Variants in SERPINA4 observed in about 807,000 individuals in gnomAD.
The protein encoded by SERPINA4 is kallistatin.
SERPINA4 carries 24 observed loss-of-function variants against 25.4 expected under a neutral mutation model. That is an observed-to-expected ratio of 0.95 (90% CI 0.69 to 1.33). SERPINA4 has a LOEUF of 1.33. SERPINA4 is among the 40% of genes most tolerant of loss of function. The probability of loss-of-function intolerance (pLI) is 0.00; values close to 1 mark genes in which losing one functional copy is unlikely to be tolerated. For missense variants in SERPINA4, 553 were observed against 535.8 expected, an observed-to-expected ratio of 1.03 and a Z score of -0.32; for synonymous variants, 242 against 223.6, an observed-to-expected ratio of 1.08 and a Z score of -0.73.
In SERPINA4 at chr14:94,561,948, G is replaced by C. The variant is rs139864085; in HGVS notation, c.-18+454G>C. The C allele has an allele frequency of 8.5e-4, 1,018 of 1,195,906 alleles. 6 individuals are homozygous for C. In the African/African-American group the frequency reaches 0.015, roughly 18 times the overall value. 74.1% of individuals were successfully genotyped at this position (1,195,906 alleles called of 1,614,324 possible). A position where few individuals can be genotyped will look rare whatever the true frequency, so the allele number is the denominator to read the frequency against. ...CTAGGAAGCTTTCTGCAAGGGTCTA[G>C]GTCAGGGGTCAACAAACCACAGCTT... On this transcript the variant is annotated intron_variant, in intron 1 of 4. Transcript: ENST00000557004.
At chr14:94,568,354 G>A in intron 4 of SERPINA4, 66 bp downstream of exon 4, 1 of 1,554,432 alleles carries the variant, frequency 6.4e-7, no homozygotes, top group East Asian at 2.3e-5. Flanking sequence ...GAGCTGCCAG[G>A]CGATGGGGCT....
At chr14:94,566,488 T>TCTCACCTCCAAATCTA (rs1164640574) in intron 2 of SERPINA4, among the ~76,000 whole-genome samples, 3 of 152,188 alleles carry the variant, frequency 2.0e-5, no homozygotes, top group Non-Finnish European at 4.4e-5. Flanking sequence ...TCTCTCATCT[T>TCTCACCTCCAAATCTA]CTCACCTCCA....
At chr14:94,566,899 G>T in intron 2 of SERPINA4, 71 bp from the exon 3 acceptor site, 2 of 1,518,446 alleles carry the variant, frequency 1.3e-6, no homozygotes, top group Non-Finnish European at 1.8e-6. Flanking sequence ...ACACCAGATG[G>T]CATTCCCTGG....
At position 94,569,444 on chromosome 14, in the gene SERPINA4, C is replaced by T. The variant is rs1368542030; in HGVS notation, c.1133C>T (p.Ala378Val). 4 of 1,614,178 alleles carry T rather than the reference C, an allele frequency of 2.5e-6. No homozygotes were observed. Among genetic ancestry groups the T allele is most frequent in the South Asian group, 1.1e-5 (1 of 91,074 alleles). Reference sequence around the variant, plus strand: ...GTGGATGAGGCTGGCACCGAGGCTGCAGCAGCCACCAGCTTCGCGATCAAA... The same window carrying T: ...GTGGATGAGGCTGGCACCGAGGCTGTAGCAGCCACCAGCTTCGCGATCAAA... Reference protein sequence around the residue: ...LDVDEAGTEAAAATSFAIKFF... With the variant: ...LDVDEAGTEAVAATSFAIKFF... The change falls in exon 5 of 5, where the codon GCA (alanine) becomes GTA (valine). Residue 378 changes from alanine to valine, a missense_variant. Ala to Val is a moderately conservative substitution (Grantham distance 64). Coordinates refer to ENST00000557004, the MANE Select transcript of SERPINA4 (RefSeq NM_006215.4).
chr14:94,563,649 C>T lies in SERPINA4; in HGVS notation c.167C>T (p.Ala56Val). Residue 56 changes from alanine (A) to valine (V), a missense_variant, in exon 2 of 5, where the codon GCT (alanine) becomes GTT (valine). Physicochemically the swap from Ala to Val is moderately conservative, Grantham distance 64. Transcript: ENST00000557004. ...AGCCTCAAGATAGCCCCTGCCAATG[C>T]TGACTTTGCCTTCCGCTTCTACTAC... ...SPSLKIAPAN[A>V]DFAFRFYYLI... 6.2e-7 allele frequency: 1 copy of T among 1,613,898 alleles called. No homozygotes were observed.
At chr14:94,561,563 C>A in intron 1 of SERPINA4, 69 bp downstream of exon 1, 4 of 972,016 alleles carry the variant, frequency 4.1e-6, no homozygotes, top group Non-Finnish European at 4.1e-6. Flanking sequence ...TTCCACTTTG[C>A]CCAAGACTGA....
Position 94,569,515 on chromosome 14 carries a change from C to T in SERPINA4, c.1204C>T (p.Pro402Ser). The T allele has an allele frequency of 1.2e-6, 2 of 1,614,222 alleles. No individual in the cohort carries two copies. The highest frequency in any genetic ancestry group is 8.5e-7 in the Non-Finnish European group (1 of 1,180,052). ...TNRHILRFNR[P>S]FLVVIFSTST... Reference sequence around the variant, plus strand: ...TCGCCACATCCTGCGATTCAACCGGCCCTTCCTTGTGGTGATCTTTTCCAC... The same window carrying T: ...TCGCCACATCCTGCGATTCAACCGGTCCTTCCTTGTGGTGATCTTTTCCAC... Residue 402 changes from proline to serine, a missense_variant, in exon 5 of 5, where the codon CCC becomes TCC. Physicochemically the swap from Pro to Ser is moderately conservative, Grantham distance 74. Transcript: ENST00000557004.
chr14:94,564,259 C>A (rs1902133063), intron 2 of SERPINA4, 128 bp downstream of exon 2: 3 of 910,296 alleles, frequency 3.3e-6, no homozygotes, highest in East Asian at 2.5e-5. Context: ...GGTTGAGCAA[C>A]CCTCAGGGAA....
In SERPINA4 at chr14:94,567,073, G is replaced by C; in HGVS notation, c.753G>C (p.Glu251Asp). 1.9e-6 allele frequency: 3 copies of C among 1,614,220 alleles called. No homozygotes were observed. The highest frequency in any genetic ancestry group is 2.5e-6 in the Non-Finnish European group (3 of 1,180,042). ...VRVPMMLQDQ[E>D]HHWYLHDRYL... ...TGCCCATGATGCTGCAGGACCAGGA[G>C]CATCACTGGTATCTTCATGACAGAT... Residue 251 changes from glutamate (E) to aspartate (D), a missense_variant, in exon 3 of 5, where the codon GAG becomes GAC. Coordinates refer to ENST00000557004, the MANE Select transcript of SERPINA4 (RefSeq NM_006215.4).
rs200475097 is a variant in SERPINA4 at position 94,564,112 on chromosome 14, G to A, written c.630G>A (p.Val210=). The A allele has an allele frequency of 4.4e-6, 7 of 1,600,770 alleles. No homozygotes were observed. Among genetic ancestry groups the A allele is most frequent in the Non-Finnish European group, 8.5e-7 (1 of 1,179,910 alleles). The change falls in exon 2 of 5, where the codon GTG becomes GTA. Residue 210 remains valine, a synonymous_variant. Coordinates refer to ENST00000557004, the MANE Select transcript of SERPINA4 (RefSeq NM_006215.4). ...AGAAGGACGTCTTGATGGTGCTGGTGAATTACATTTACTTCAAAGGTGAGA... is the reference window on the plus strand; with the variant it reads ...AGAAGGACGTCTTGATGGTGCTGGTAAATTACATTTACTTCAAAGGTGAGA... ...ELKKDVLMVL[V]NYIYFKALWE...
chr14:94,561,720 C>T, intron 1 of SERPINA4: 1 of 1,289,668 alleles, frequency 7.8e-7, no homozygotes, highest in Non-Finnish European at 1.0e-6. Flanking sequence ...GTGACTATGC[C>T]CGGAGACCCA....
intron 4 of SERPINA4, among the ~76,000 whole-genome samples, chr14:94,568,547 A>C (rs1198248957): frequency 6.6e-6 from 1 of 152,166 alleles, no homozygotes; most frequent in Non-Finnish European, 1.5e-5. Flanking sequence ...TAGAGAGATA[A>C]ACGCAATGAT....
intron 1 of SERPINA4, among the ~76,000 whole-genome samples, chr14:94,563,095 T>C (rs1902076414): frequency 6.6e-6 from 1 of 152,132 alleles, no homozygotes; most frequent in African/African-American, 2.4e-5. Flanking sequence ...CACCTGAGTC[T>C]GGGGATGTGG....
At position 94,569,813 on chromosome 14, in the gene SERPINA4, C is replaced by A; in HGVS notation, c.*218C>A. On this transcript the variant is annotated 3_prime_UTR_variant, in exon 5 of 5. Coordinates refer to ENST00000557004, the MANE Select transcript of SERPINA4 (RefSeq NM_006215.4). ...TGCTGTGCAGCCTCTGGCAGAGCAT[C>A]CGACCTCTTGGAGCAAGTTTCTGCC... 1.7e-6 allele frequency: 1 copy of A among 588,046 alleles called. No homozygotes were observed. Among genetic ancestry groups the A allele is most frequent in the South Asian group, 2.1e-5 (1 of 48,454 alleles). 36.4% of individuals were successfully genotyped at this position (588,046 alleles called of 1,614,324 possible).
Position 94,568,250 on chromosome 14 carries a change from T to C in SERPINA4, c.1045T>C (p.Ser349Pro), listed in dbSNP as rs1416653926. The change falls in exon 4 of 5, where the codon TCC becomes CCC. Residue 349 changes from serine (S) to proline (P), a missense_variant. Physicochemically the swap from Ser to Pro is moderately conservative, Grantham distance 74. Transcript: ENST00000557004. ...TDLFSKWADL[S>P]GITKQQKLEA... is the part of the protein sequence containing the mutation. Reference sequence around the variant, plus strand: ...TCTGTTCTCCAAGTGGGCTGACTTATCCGGCATCACCAAACAGCAAAAACT... The same window carrying C: ...TCTGTTCTCCAAGTGGGCTGACTTACCCGGCATCACCAAACAGCAAAAACT... 3 of 1,614,088 alleles carry C rather than the reference T, an allele frequency of 1.9e-6. No individual in the cohort carries two copies. Among genetic ancestry groups the C allele is most frequent in the Admixed American group, 1.7e-5 (1 of 60,010 alleles).
In SERPINA4 at chr14:94,563,772, G is replaced by A. The variant is rs1902108418; in HGVS notation, c.290G>A (p.Ser97Asn). The A allele has an allele frequency of 6.2e-7, 1 of 1,613,984 alleles. No individual in the cohort carries two copies. The highest frequency in any genetic ancestry group is 1.7e-5 in the Admixed American group (1 of 60,012). Residue 97 changes from serine (S) to asparagine (N), a missense_variant, in exon 2 of 5, where the codon AGC becomes AAC. Transcript: ENST00000557004. ...CTTTCCCTGGGGGCCTGCTCACACA[G>A]CCGCAGCCAGATCCTTGAGGGCCTG... ...AMLSLGACSH[S>N]RSQILEGLGF...
intron 3 of SERPINA4, 42 bp downstream of exon 3, chr14:94,567,285 A>C (rs748437593): frequency 6.4e-7 from 1 of 1,552,666 alleles, no homozygotes; most frequent in South Asian, 1.2e-5. Flanking sequence ...AGTACTATCC[A>C]TCAAATGTAA....
intron 3 of SERPINA4, 87 bp from the exon 4 acceptor site, chr14:94,568,042 C>A: frequency 2.2e-6 from 3 of 1,369,380 alleles, no homozygotes; most frequent in South Asian, 1.3e-5. Flanking sequence ...ATAGAGCCAG[C>A]TAGAGAGGGC....
intron 4 of SERPINA4, among the ~76,000 whole-genome samples, chr14:94,568,544 A>G (rs1902292439): frequency 6.6e-6 from 1 of 152,186 alleles, no homozygotes; most frequent in Non-Finnish European, 1.5e-5. Context: ...TCATAGAGAG[A>G]TAAACGCAAT....
Sources: gnomAD v4.1 joint callset for allele counts (sites outside exome capture counted in the v4.1 genomes callset) on GRCh38, gnomAD v4.1.1 for gene constraint, MANE v1.5 for transcripts, NCBI Gene and HGNC (gene_info 2026-07-23, HGNC 2026-07-21) for gene names.